RALGAPA1: variants seen among roughly 807,000 people sequenced by gnomAD.
RALGAPA1 encodes the protein Ral GTPase activating protein catalytic subunit alpha 1, also known as ral GTPase-activating protein subunit alpha-1.
RALGAPA1 carries 52 observed loss-of-function variants against 269.6 expected under a neutral mutation model. The observed-to-expected ratio is 0.19, with a 90% confidence interval of 0.15 to 0.24. The LOEUF (loss-of-function observed/expected upper bound fraction) is 0.24. RALGAPA1 is among the 10% of genes least tolerant of loss of function. RALGAPA1 has a pLI of 1.00. For synonymous variants in RALGAPA1, 817 were observed against 1,008.3 expected, an observed-to-expected ratio of 0.81 and a Z score of 3.60; for missense variants, 1,917 against 3,013.9, an observed-to-expected ratio of 0.64 and a Z score of 8.52.
chr14:35,663,434 C>G (rs1400161792), intron 27 of RALGAPA1, among the ~76,000 whole-genome samples: 1 of 142,602 alleles, frequency 7.0e-6, no homozygotes, highest in African/African-American at 2.6e-5. Context: ...AAAACAAAAA[C>G]AAAAAAAAAA....
chr14:35,737,571 A>G (rs1304290008), intron 12 of RALGAPA1, among the ~76,000 whole-genome samples: 1 of 151,730 alleles, frequency 6.6e-6, no homozygotes, highest in Non-Finnish European at 1.5e-5. Context: ...AGCTTGGCCA[A>G]CATGACGAAA....
At chr14:35,702,731 A>G (rs1595213161) in intron 16 of RALGAPA1, among the ~76,000 whole-genome samples, 1 of 147,382 alleles carries the variant, frequency 6.8e-6, no homozygotes, top group Non-Finnish European at 1.5e-5. Flanking sequence ...AAAAAAATAT[A>G]TATATATATA....
At chr14:35,789,529 T>A (rs936102811) in intron 1 of RALGAPA1, among the ~76,000 whole-genome samples, 4 of 152,014 alleles carry the variant, frequency 2.6e-5, no homozygotes, top group Non-Finnish European at 5.9e-5. Flanking sequence ...AAGGTGTAAG[T>A]TGCAGTGAGC....
At position 35,627,472 on chromosome 14, in the gene RALGAPA1, C is replaced by T. The variant is rs750418746; in HGVS notation, c.6475G>A (p.Val2159Ile). 4.3e-5 allele frequency: 69 copies of T among 1,613,192 alleles called. No homozygotes were observed. The highest frequency in any genetic ancestry group is 5.4e-5 in the Non-Finnish European group (64 of 1,179,844). ...TSNECLEDIT[V>I]KDGLSLQFKR... Reference sequence around the variant, plus strand: ...AACTGGAGAGAAAGTCCATCTTTTACGGTTATATCTTCTAAGCATTCATTA... The same window carrying T: ...AACTGGAGAGAAAGTCCATCTTTTATGGTTATATCTTCTAAGCATTCATTA... Residue 2159 changes from valine (V) to isoleucine (I), a missense_variant, in exon 34 of 42, where the codon GTA (valine) becomes ATA (isoleucine). Physicochemically the swap from Val to Ile is conservative, Grantham distance 29. Transcript: ENST00000680220.
chr14:35,656,298 C>G (rs970202359), intron 28 of RALGAPA1, among the ~76,000 whole-genome samples: 2 of 152,102 alleles, frequency 1.3e-5, no homozygotes, highest in African/African-American at 4.8e-5. Flanking sequence ...AAACATGAAG[C>G]TGATGGAATA....
rs2058634807 is a variant in RALGAPA1, at chr14:35,591,537, C to G, written c.7209+4097G>C. Among the ~76,000 whole-genome samples, 4 of 152,102 alleles carry G rather than the reference C, an allele frequency of 2.6e-5. 1 individual carries two copies. Among genetic ancestry groups the G allele is most frequent in the Admixed American group, 2.6e-4 (4 of 15,264 alleles). ...ATGTTACTCAGGTTGGTCTCAAACT[C>G]TTGGGCTGAAGCAATCCTTCCACCT... On this transcript the variant is annotated intron_variant, in intron 37 of 41. Transcript: ENST00000680220.
intron 35 of RALGAPA1, among the ~76,000 whole-genome samples, chr14:35,623,153 G>C (rs1263249964): frequency 6.7e-6 from 1 of 149,266 alleles, no homozygotes; most frequent in African/African-American, 2.5e-5. Flanking sequence ...TTTCAAGACA[G>C]AACTGTTTAA....
intron 16 of RALGAPA1, among the ~76,000 whole-genome samples, chr14:35,712,604 G>A (rs1013044351): frequency 1.3e-5 from 2 of 152,118 alleles, no homozygotes; most frequent in Non-Finnish European, 1.5e-5. Context: ...AAACTCTTGG[G>A]CTCAAGCAAT....
Position 35,684,952 on chromosome 14 carries a change from T to A in RALGAPA1, c.4271A>T (p.Gln1424Leu). The change falls in exon 20 of 42, where the codon CAA becomes CTA. Residue 1424 changes from glutamine to leucine, a missense_variant. Gln to Leu is a moderately radical substitution (Grantham distance 113). This residue lies in a region of RALGAPA1 where 615 missense variants were observed against 790.0 expected (regional missense o/e 0.78). Coordinates refer to ENST00000680220, the MANE Select transcript of RALGAPA1 (RefSeq NM_001346249.2). The stretch of plus-strand genomic sequence containing the variant: ...GCTGTCAAATTTTCGGCCATCATAT[T>A]GGAAAGCGCTGAAAGAATCCGAATG... ...DSHSDSFSAFQYDGRKFDNFG... is the reference protein window; with the variant it reads ...DSHSDSFSAFLYDGRKFDNFG... 1.9e-6 allele frequency: 3 copies of A among 1,613,498 alleles called. No individual in the cohort carries two copies. Among genetic ancestry groups the A allele is most frequent in the Non-Finnish European group, 2.5e-6 (3 of 1,179,880 alleles).
chr14:35,651,017 T>C (rs974718247), intron 31 of RALGAPA1, among the ~76,000 whole-genome samples: 1 of 151,830 alleles, frequency 6.6e-6, no homozygotes, highest in African/African-American at 2.4e-5. Context: ...GTAGCTACCA[T>C]AGTGAGCAGC....
chr14:35,686,682 T>C lies in RALGAPA1; in HGVS notation c.3953-16A>G, dbSNP rs2065965835. The C allele has an allele frequency of 6.8e-7, 1 of 1,466,886 alleles. No individual in the cohort carries two copies. Among genetic ancestry groups the C allele is most frequent in the African/African-American group, 1.4e-5 (1 of 69,666 alleles). The allele number at this position is 1,466,886 out of a possible 1,614,324, so 90.9% of individuals were successfully genotyped here. On this transcript the variant is annotated splice_polypyrimidine_tract_variant and intron_variant, in intron 18 of 41. Coordinates refer to ENST00000680220, the MANE Select transcript of RALGAPA1 (RefSeq NM_001346249.2). The stretch of plus-strand genomic sequence containing the variant: ...TCTTTATTGACTAAAAATAAATAAA[T>C]AACTATATATAGTGAGGAAAAACTT...
At position 35,684,947 on chromosome 14, in the gene RALGAPA1, C is replaced by A. The variant is rs747689843; in HGVS notation, c.4276G>T (p.Asp1426Tyr). 5.0e-6 allele frequency: 8 copies of A among 1,613,230 alleles called. No individual in the cohort carries two copies. The highest frequency in any genetic ancestry group is 6.8e-6 in the Non-Finnish European group (8 of 1,179,838). Residue 1426 changes from aspartate (D) to tyrosine (Y), a missense_variant, in exon 20 of 42, where the codon GAT (aspartate) becomes TAT (tyrosine). Around this residue, in one of 11 missense-constraint regions of RALGAPA1, gnomAD observed 615 missense variants for 790.0 expected, o/e 0.78. Coordinates refer to ENST00000680220, the MANE Select transcript of RALGAPA1 (RefSeq NM_001346249.2). The part of the protein sequence containing the change: ...HSDSFSAFQY[D>Y]GRKFDNFGFG... ...TACTTGCTGTCAAATTTTCGGCCAT[C>A]ATATTGGAAAGCGCTGAAAGAATCC...
At chr14:35,781,008 G>T (rs887398019) in intron 1 of RALGAPA1, among the ~76,000 whole-genome samples, 1 of 151,700 alleles carries the variant, frequency 6.6e-6, no homozygotes, top group African/African-American at 2.4e-5. Context: ...CACAAAGAAG[G>T]AAATAAAGAT....
intron 13 of RALGAPA1, among the ~76,000 whole-genome samples, chr14:35,727,355 A>G (rs2070055322): frequency 7.2e-6 from 1 of 138,506 alleles, no homozygotes; most frequent in Non-Finnish European, 1.6e-5. Context: ...ATAGTATAAT[A>G]CTATATAACT....
intron 37 of RALGAPA1, among the ~76,000 whole-genome samples, chr14:35,595,350 G>A (rs543233732): frequency 2.0e-5 from 3 of 151,984 alleles, no homozygotes; most frequent in Admixed American, 6.6e-5. Context: ...TATAGTAACC[G>A]TTTTATTATC....
intron 1 of RALGAPA1, among the ~76,000 whole-genome samples, chr14:35,805,276 A>G (rs2077278748): frequency 6.6e-6 from 1 of 151,204 alleles, no homozygotes; most frequent in Non-Finnish European, 1.5e-5. Context: ...TACAAAAGAA[A>G]AAAAAAAAAG....
chr14:35,659,440 G>A (rs1429939660), intron 27 of RALGAPA1, among the ~76,000 whole-genome samples: 1 of 152,024 alleles, frequency 6.6e-6, no homozygotes, highest in Non-Finnish European at 1.5e-5. Flanking sequence ...GGTAATTAAA[G>A]TAGAATTAAT....
intron 41 of RALGAPA1, among the ~76,000 whole-genome samples, chr14:35,540,988 T>G (rs1335881667): frequency 6.6e-6 from 1 of 151,002 alleles, no homozygotes; most frequent in African/African-American, 2.4e-5. Context: ...GGGGTGAAGA[T>G]CCTATTGAGA....
At chr14:35,665,068 T>C (rs920807144) in intron 26 of RALGAPA1, among the ~76,000 whole-genome samples, 2 of 152,132 alleles carry the variant, frequency 1.3e-5, no homozygotes, top group South Asian at 2.1e-4. Flanking sequence ...TAAGTAAAAA[T>C]ATAAATAATT....
Sources: gnomAD v4.1 joint callset for allele counts (sites outside exome capture counted in the v4.1 genomes callset) on GRCh38, gnomAD v4.1.1 for gene constraint, gnomAD v4.1.1 regional missense constraint, MANE v1.5 for transcripts, NCBI Gene and HGNC (gene_info 2026-07-23, HGNC 2026-07-21) for gene names.